Variants in EYA1 observed in about 807,000 individuals in gnomAD.
EYA1 encodes the protein EYA transcriptional coactivator and phosphatase 1.
Under a neutral mutation model 82.0 loss-of-function variants are expected in EYA1, and 16 were observed. The ratio of observed to expected loss-of-function variants is 0.20; its 90% CI spans 0.13 to 0.30. The LOEUF (loss-of-function observed/expected upper bound fraction) is 0.30, where lower values mean the gene tolerates loss of function less well. Among genes scored for constraint, EYA1 ranks in the 10% least tolerant of loss-of-function variants. The pLI is 1.00. For missense variants in EYA1, 633 were observed against 730.7 expected (o/e 0.87, Z 1.54); for synonymous variants, 261 against 264.4 (o/e 0.99, Z 0.12).
chr8:71,351,591 T>A (rs1431554449), intron 3 of EYA1, among the ~76,000 whole-genome samples: 1 of 152,204 alleles, frequency 6.6e-6, no homozygotes, highest in Non-Finnish European at 1.5e-5. Flanking sequence ...ACATTTCATG[T>A]AGGAAATAAA....
chr8:71,396,956 A>G (rs1829658737), intron 2 of EYA1, among the ~76,000 whole-genome samples: 1 of 152,196 alleles, frequency 6.6e-6, no homozygotes, highest in Admixed American at 6.5e-5. Context: ...GACTTGCTTT[A>G]TGAATCTGGG....
chr8:71,509,563 C>A (rs1812445356), intron 2 of EYA1, among the ~76,000 whole-genome samples: 2 of 152,066 alleles, frequency 1.3e-5, no homozygotes, highest in Non-Finnish European at 2.9e-5. Context: ...TTCTTTGGCA[C>A]CAGATTATGT....
intron 7 of EYA1, among the ~76,000 whole-genome samples, chr8:71,310,471 T>C (rs902373133): frequency 6.6e-6 from 1 of 152,182 alleles, no homozygotes; most frequent in African/African-American, 2.4e-5. Context: ...TGTCCATATG[T>C]TCTCATTATT....
At chr8:71,223,705 A>G (rs1005139713) in intron 12 of EYA1, among the ~76,000 whole-genome samples, 2 of 152,176 alleles carry the variant, frequency 1.3e-5, no homozygotes, top group Admixed American at 6.5e-5. Flanking sequence ...TCTTGGCATC[A>G]AGACTCAAGC....
At chr8:71,202,265 G>T (rs1807128632) in intron 17 of EYA1, among the ~76,000 whole-genome samples, 1 of 151,590 alleles carries the variant, frequency 6.6e-6, no homozygotes, top group Non-Finnish European at 1.5e-5. Flanking sequence ...AAAAAATCCA[G>T]CTACTTCTTT....
chr8:71,529,027 C>T (rs1460185071), intron 2 of EYA1, among the ~76,000 whole-genome samples: 1 of 152,278 alleles, frequency 6.6e-6, no homozygotes, highest in East Asian at 1.9e-4. Flanking sequence ...TTTATTTCTT[C>T]ATCCTGGGGA....
chr8:71,392,889 C>T (rs1355308290), intron 2 of EYA1, among the ~76,000 whole-genome samples: 1 of 151,644 alleles, frequency 6.6e-6, no homozygotes, highest in Non-Finnish European at 1.5e-5. Context: ...TTTACTCAAT[C>T]TCCTCATTTT....
chr8:71,478,776 G>A (rs1452840185), intron 2 of EYA1, among the ~76,000 whole-genome samples: 1 of 152,082 alleles, frequency 6.6e-6, no homozygotes, highest in Non-Finnish European at 1.5e-5. Context: ...CTCTTCATGA[G>A]TCAGAGTCCT....
At chr8:71,472,452 T>C (rs953286843) in intron 2 of EYA1, among the ~76,000 whole-genome samples, 3 of 152,126 alleles carry the variant, frequency 2.0e-5, no homozygotes, top group Non-Finnish European at 4.4e-5. Context: ...TATGCAGTTT[T>C]GAATTAAAAA....
At chr8:71,214,157 G>A (rs1055196569) in intron 16 of EYA1, among the ~76,000 whole-genome samples, 1 of 152,090 alleles carries the variant, frequency 6.6e-6, no homozygotes, top group African/African-American at 2.4e-5. Flanking sequence ...AGCAGCCAAA[G>A]ACAGCCCTCT....
intron 2 of EYA1, among the ~76,000 whole-genome samples, chr8:71,479,665 G>A (rs1300631479): frequency 6.8e-6 from 1 of 146,756 alleles, no homozygotes; most frequent in Non-Finnish European, 1.5e-5. Context: ...CTGGATATTT[G>A]GGGATACCAT....
At chr8:71,204,808 A>C (rs1373452754) in intron 17 of EYA1, among the ~76,000 whole-genome samples, 1 of 152,256 alleles carries the variant, frequency 6.6e-6, no homozygotes, top group Non-Finnish European at 1.5e-5. Context: ...GGGAGAACTT[A>C]TTATGAAACT....
At chr8:71,478,208 C>T (rs1234322507) in intron 2 of EYA1, among the ~76,000 whole-genome samples, 3 of 151,886 alleles carry the variant, frequency 2.0e-5, no homozygotes, top group Admixed American at 6.6e-5. Flanking sequence ...AAAGCTAACA[C>T]GAGGGAAATA....
intron 2 of EYA1, among the ~76,000 whole-genome samples, chr8:71,478,778 C>T (rs528289955): frequency 3.3e-5 from 5 of 152,258 alleles, no homozygotes; most frequent in Admixed American, 2.0e-4. Flanking sequence ...CTTCATGAGT[C>T]AGAGTCCTAC....
At chr8:71,392,108 A>G (rs1829310805) in intron 2 of EYA1, among the ~76,000 whole-genome samples, 1 of 152,300 alleles carries the variant, frequency 6.6e-6, no homozygotes, top group African/African-American at 2.4e-5. Flanking sequence ...AAACCACAGG[A>G]CTTTGCTTTC....
intron 11 of EYA1, among the ~76,000 whole-genome samples, chr8:71,254,143 C>G (rs1403217810): frequency 1.4e-5 from 2 of 144,854 alleles, no homozygotes; most frequent in Non-Finnish European, 3.0e-5. Context: ...TAAAAACATT[C>G]TGTAATGGAC....
intron 10 of EYA1, chr8:71,270,158 G>A (rs1456303968): frequency 4.4e-6 from 1 of 228,986 alleles, no homozygotes; most frequent in African/African-American, 2.3e-5. Flanking sequence ...TATAACTTGA[G>A]ATAGAGATGA....
intron 12 of EYA1, among the ~76,000 whole-genome samples, chr8:71,240,864 C>A (rs771513370): frequency 2.0e-5 from 3 of 152,158 alleles, no homozygotes; most frequent in Non-Finnish European, 2.9e-5. Flanking sequence ...TTGAAGGTTG[C>A]CTTTCAATAA....
At chr8:71,535,817 C>T in exon 2 of EYA1, 3 of 1,418,876 alleles carry the variant, frequency 2.1e-6, no homozygotes, top group Non-Finnish European at 2.8e-6. Flanking sequence ...ATTAGCTACA[C>T]ACTTCTTCAA....
Sources: gnomAD v4.1 joint callset for allele counts (sites outside exome capture counted in the v4.1 genomes callset) on GRCh38, gnomAD v4.1.1 for gene constraint, MANE v1.5 for transcripts, NCBI Gene and HGNC (gene_info 2026-07-23, HGNC 2026-07-21) for gene names.